XIRP2: variants seen among roughly 807,000 people sequenced by gnomAD.
XIRP2 encodes the protein xin actin binding repeat containing 2.
In XIRP2, 236 loss-of-function variants were observed where a neutral mutation model predicts 277.0. The ratio of observed to expected loss-of-function variants is 0.85; its 90% CI spans 0.77 to 0.95. The LOEUF (loss-of-function observed/expected upper bound fraction) is 0.95, where lower values mean the gene tolerates loss of function less well. Among genes scored for constraint, XIRP2 ranks in the 40% least tolerant of loss-of-function variants. The pLI is 0.00. For missense variants in XIRP2, 4,640 were observed against 4,157.5 expected, an observed-to-expected ratio of 1.12 and a Z score of -3.19; for synonymous variants, 1,490 against 1,416.5, an observed-to-expected ratio of 1.05 and a Z score of -1.17.
intron 3 of XIRP2, among the ~76,000 whole-genome samples, chr2:167,162,287 A>G (rs1328244666): frequency 9.2e-5 from 14 of 151,724 alleles, no homozygotes; most frequent in Admixed American, 7.9e-4. Context: ...GCAGCACCCC[A>G]CTCTACTGGT....
intron 5 of XIRP2, among the ~76,000 whole-genome samples, chr2:167,237,208 G>T (rs1694925654): frequency 6.6e-6 from 1 of 152,112 alleles, no homozygotes; most frequent in Non-Finnish European, 1.5e-5. Flanking sequence ...CAGATGATAG[G>T]CATAGATTGT....
rs199560150 is a variant in XIRP2, at chr2:166,959,038, AC to A, written c.408+55149del. 6.4e-3 allele frequency among the ~76,000 whole-genome samples: 967 copies of A among 151,722 alleles called. 14 individuals are homozygous for A. Among genetic ancestry groups the A allele is most frequent in the African/African-American group, 0.022 (918 of 41,466 alleles). On this transcript the variant is annotated intron_variant, in intron 2 of 10. Transcript: ENST00000409195. ...GCCTGAAGCATCTCTGTTTCTCTCA[AC>A]GGCTTAAAGTAGGAACATTCCTGGA... is the stretch of plus-strand genomic sequence containing the variant.
Position 167,130,298 on chromosome 2 carries a change from C to T in XIRP2, c.409-5611C>T, listed in dbSNP as rs755684575. ...ACCTTCCCCACCAACCACCAACCATCATGACTGTTATTTATTAAATTCAAT... is the reference window on the plus strand; with the variant it reads ...ACCTTCCCCACCAACCACCAACCATTATGACTGTTATTTATTAAATTCAAT... On this transcript the variant is annotated intron_variant, in intron 2 of 10. Coordinates refer to ENST00000409195, the MANE Select transcript of XIRP2 (RefSeq NM_152381.6). Among the ~76,000 whole-genome samples, 127 of 152,182 alleles carry T rather than the reference C, an allele frequency of 8.3e-4. 3 individuals are homozygous for T. The highest frequency in any genetic ancestry group is 2.1e-4 in the Non-Finnish European group (14 of 68,020).
chr2:166,926,307 A>G (rs372250886), intron 2 of XIRP2, among the ~76,000 whole-genome samples: 5 of 152,086 alleles, frequency 3.3e-5, no homozygotes, highest in East Asian at 3.9e-4. Context: ...ACTGTAAACA[A>G]TCTATCATTA....
At chr2:167,252,102 ATGCT>A in intron 9 of XIRP2, 155 bp downstream of exon 9, 5 of 1,201,986 alleles carry the variant, frequency 4.2e-6, no homozygotes, top group Non-Finnish European at 5.5e-6. Context: ...GACTCTTTAT[ATGCT>A]TGCTTTTACA....
chr2:167,201,011 A>T (rs1317220570), intron 3 of XIRP2, among the ~76,000 whole-genome samples: 1 of 151,866 alleles, frequency 6.6e-6, no homozygotes, highest in Non-Finnish European at 1.5e-5. Context: ...CTGTAATCCC[A>T]GCTACTAGGG....
At chr2:166,915,728 A>C (rs534835110) in intron 2 of XIRP2, among the ~76,000 whole-genome samples, 4 of 152,344 alleles carry the variant, frequency 2.6e-5, no homozygotes, top group Admixed American at 6.5e-5. Context: ...GCATCTGATC[A>C]TTACAGTAGA....
intron 3 of XIRP2, among the ~76,000 whole-genome samples, chr2:167,137,975 G>A (rs1250640654): frequency 6.6e-6 from 1 of 152,048 alleles, no homozygotes; most frequent in Admixed American, 6.6e-5. Flanking sequence ...AGTTAACTTG[G>A]ACAGCATGCA....
At position 167,146,337 on chromosome 2, in the gene XIRP2, T is replaced by C. The variant is rs899336291; in HGVS notation, c.562+10275T>C. 2.0e-4 allele frequency among the ~76,000 whole-genome samples: 30 copies of C among 151,344 alleles called. 1 individual carries two copies. Among genetic ancestry groups the C allele is most frequent in the Non-Finnish European group, 1.5e-5 (1 of 67,750 alleles). ...CAACATGGTGAAACCCCATCTCTACTAAAAAATACAAAAATTAGCCAGGCA... is the reference window on the plus strand; with the variant it reads ...CAACATGGTGAAACCCCATCTCTACCAAAAAATACAAAAATTAGCCAGGCA... On this transcript the variant is annotated intron_variant, in intron 3 of 10. Transcript: ENST00000409195.
At chr2:167,168,788 G>A (rs144587938) in intron 3 of XIRP2, among the ~76,000 whole-genome samples, 4,703 of 152,046 alleles carry the variant, frequency 0.031, 115 homozygotes, top group Non-Finnish European at 0.044. Flanking sequence ...CTAATTTTTT[G>A]TATTTTTAGT....
chr2:167,135,834 T>C, intron 2 of XIRP2, 75 bp from the exon 3 acceptor site: 1 of 1,359,252 alleles, frequency 7.4e-7, no homozygotes, highest in South Asian at 1.9e-5. Flanking sequence ...ATTTCTGCCT[T>C]CTAACCCCCC....
At chr2:166,964,784 T>C (rs1029458934) in intron 2 of XIRP2, among the ~76,000 whole-genome samples, 1 of 151,886 alleles carries the variant, frequency 6.6e-6, no homozygotes, top group African/African-American at 2.4e-5. Context: ...AAGTTTATCT[T>C]AGGCAGCCTT....
At chr2:167,061,390 A>G (rs192555905) in intron 2 of XIRP2, among the ~76,000 whole-genome samples, 255 of 152,248 alleles carry the variant, frequency 1.7e-3, no homozygotes, top group Non-Finnish European at 3.0e-3. Flanking sequence ...ATAATATTGA[A>G]TAAAAGTGGT....
In XIRP2 at chr2:167,244,994, G is replaced by C. The variant is rs771252508; in HGVS notation, c.3602G>C (p.Arg1201Thr). ...CAAGCTGGAGATGTTTCCAGCATGA[G>C]GTATAAATTTGAAAATCAGTCCTTA... Reference protein sequence around the residue: ...DIQAGDVSSMRYKFENQSLDS... With the variant: ...DIQAGDVSSMTYKFENQSLDS... The change falls in exon 9 of 11, where the codon AGG (arginine) becomes ACG (threonine). Residue 1201 changes from arginine to threonine, a missense_variant. Transcript: ENST00000409195. 1.2e-6 allele frequency: 2 copies of C among 1,613,332 alleles called. No homozygotes were observed. Among genetic ancestry groups the C allele is most frequent in the South Asian group, 2.2e-5 (2 of 90,980 alleles).
At chr2:167,000,570 G>T (rs1428837485) in intron 2 of XIRP2, among the ~76,000 whole-genome samples, 1 of 150,196 alleles carries the variant, frequency 6.7e-6, no homozygotes, top group Admixed American at 6.6e-5. Context: ...ATTCTTCCAA[G>T]AAAAAAAACA....
rs16853193 is a variant in XIRP2 at position 167,195,020 on chromosome 2, C to T, written c.563-15715C>T. On this transcript the variant is annotated intron_variant, in intron 3 of 10. Transcript: ENST00000409195. Reference sequence around the variant, plus strand: ...ATAATATGTGACCCTATATGCTGAACATTGAAAACTGCAACACACTAAAAA... The same window carrying T: ...ATAATATGTGACCCTATATGCTGAATATTGAAAACTGCAACACACTAAAAA... Among the ~76,000 whole-genome samples the T allele has an allele frequency of 5.8e-3, 875 of 152,136 alleles. 20 individuals carry two copies. The highest frequency in any genetic ancestry group is 0.04 in the Admixed American group (607 of 15,274).
At chr2:167,222,624 G>C (rs1694465870) in intron 5 of XIRP2, among the ~76,000 whole-genome samples, 1 of 152,172 alleles carries the variant, frequency 6.6e-6, no homozygotes, top group Non-Finnish European at 1.5e-5. Context: ...ATGCTAGAAT[G>C]AAAAGGACAA....
At chr2:167,024,912 T>A (rs1017773478) in intron 2 of XIRP2, among the ~76,000 whole-genome samples, 1 of 152,302 alleles carries the variant, frequency 6.6e-6, no homozygotes, top group South Asian at 2.1e-4. Flanking sequence ...GGTCTAAAAT[T>A]CTCTTTTGTG....
chr2:166,947,964 A>G (rs1685924963), intron 2 of XIRP2, among the ~76,000 whole-genome samples: 1 of 152,164 alleles, frequency 6.6e-6, no homozygotes, highest in Non-Finnish European at 1.5e-5. Context: ...CATATCATTA[A>G]GTGAAAGAAG....
Sources: allele counts gnomAD v4.1 joint callset (sites outside exome capture counted in the v4.1 genomes callset), GRCh38; gene constraint gnomAD v4.1.1; transcripts MANE v1.5; gene names NCBI Gene and HGNC (gene_info 2026-07-23, HGNC 2026-07-21).